SHROOM3: variants seen among roughly 807,000 people sequenced by gnomAD.
SHROOM3 encodes the protein protein Shroom3.
Under a neutral mutation model 138.6 loss-of-function variants are expected in SHROOM3, and 47 were observed. The ratio of observed to expected loss-of-function variants is 0.34; its 90% confidence interval spans 0.27 to 0.43. SHROOM3 has a LOEUF of 0.43. Ranked by LOEUF, SHROOM3 falls within the 20% of genes least tolerant of loss-of-function variation. SHROOM3 has a pLI of 1.00. For synonymous variants in SHROOM3, 1,062 were observed against 1,063.3 expected (o/e 1.00, Z 0.02); for missense variants, 2,491 against 2,596.5 (o/e 0.96, Z 0.88).
intron 9 of SHROOM3, among the ~76,000 whole-genome samples, chr4:76,765,442 G>A (rs1481796158): frequency 2.6e-5 from 4 of 152,050 alleles, no homozygotes; most frequent in Admixed American, 6.6e-5. Flanking sequence ...CACCTGAGCC[G>A]GGGGGTTGAG....
At chr4:76,653,697 C>G (rs1406389019) in intron 2 of SHROOM3, among the ~76,000 whole-genome samples, 1 of 152,060 alleles carries the variant, frequency 6.6e-6, no homozygotes, top group Non-Finnish European at 1.5e-5. Context: ...TTCTGAGTAG[C>G]TGGGACTACA....
intron 2 of SHROOM3, among the ~76,000 whole-genome samples, chr4:76,567,893 C>T (rs575518139): frequency 6.6e-6 from 1 of 151,174 alleles, no homozygotes; most frequent in Non-Finnish European, 1.5e-5. Flanking sequence ...TGGTACTGAA[C>T]GTTTTTTTTT....
At chr4:76,637,403 A>G (rs1014272839) in intron 2 of SHROOM3, 1 of 152,238 alleles carries the variant, frequency 6.6e-6, no homozygotes, top group Non-Finnish European at 1.5e-5. Flanking sequence ...TATGATCAAG[A>G]ACGGAACTGT....
intron 2 of SHROOM3, among the ~76,000 whole-genome samples, chr4:76,650,519 ATATTTATT>A (rs3045185): frequency 0.31 from 45,010 of 145,344 alleles, 7,177 homozygotes; most frequent in East Asian, 0.42. Context: ...TTTTTTAAGT[ATATTTATT>A]TATTTATTTA....
At chr4:76,735,832 T>C (rs997950177) in intron 4 of SHROOM3, among the ~76,000 whole-genome samples, 1 of 98,576 alleles carries the variant, frequency 1.0e-5, no homozygotes, top group African/African-American at 4.4e-5. Flanking sequence ...AGACCGAGAC[T>C]CTATCTTAAA....
At chr4:76,473,641 T>A (rs1731423992) in intron 1 of SHROOM3, among the ~76,000 whole-genome samples, 1 of 152,040 alleles carries the variant, frequency 6.6e-6, no homozygotes, top group Admixed American at 6.6e-5. Context: ...AACCCCATTT[T>A]AAAATGGGCA....
Position 76,754,647 on chromosome 4 carries a change from A to C in SHROOM3, c.4164A>C (p.Arg1388Ser). Reference protein sequence around the residue: ...LPPYTPAMMHRSNGHTLTQPP... With the variant: ...LPPYTPAMMHSSNGHTLTQPP... The stretch of plus-strand genomic sequence containing the variant: ...CCTACACCCCTGCCATGATGCACAG[A>C]AGCAATGGTCACACCCTGACCCAGC... The change falls in exon 7 of 11, where the codon AGA becomes AGC. Residue 1388 changes from arginine to serine, a missense_variant. By Grantham distance (110) the Arg-to-Ser change is moderately radical. Transcript: ENST00000296043. 6 of 1,614,138 alleles carry C rather than the reference A, an allele frequency of 3.7e-6. No homozygotes were observed. The highest frequency in any genetic ancestry group is 5.1e-6 in the Non-Finnish European group (6 of 1,180,004).
At chr4:76,489,377 A>T (rs1731803268) in intron 1 of SHROOM3, among the ~76,000 whole-genome samples, 1 of 152,240 alleles carries the variant, frequency 6.6e-6, no homozygotes, top group African/African-American at 2.4e-5. Context: ...AGACCCAAGT[A>T]GAGTGAGAAG....
rs746867468 is a variant in SHROOM3 at position 76,778,881 on chromosome 4, G to C, written c.5695G>C (p.Asp1899His). Reference protein sequence around the residue: ...EDARELKENLDRRERVVLGIL... With the variant: ...EDARELKENLHRRERVVLGIL... ...TGCCCGGGAGCTGAAGGAGAACCTG[G>C]ATCGCAGGGAGCGAGTAGTGCTGGG... is the stretch of plus-strand genomic sequence containing the variant. Residue 1899 changes from aspartate to histidine, a missense_variant, in exon 11 of 11, where the codon GAT (aspartate) becomes CAT (histidine). Physicochemically the swap from Asp to His is moderately conservative, Grantham distance 81. This residue lies in a region of SHROOM3 where 470 missense variants were observed against 595.0 expected (regional missense o/e 0.79). Coordinates refer to ENST00000296043, the MANE Select transcript of SHROOM3 (RefSeq NM_020859.4). 1.1e-5 allele frequency: 17 copies of C among 1,613,224 alleles called. No homozygotes were observed. Among genetic ancestry groups the C allele is most frequent in the Non-Finnish European group, 1.4e-5 (17 of 1,180,030 alleles).
intron 10 of SHROOM3, among the ~76,000 whole-genome samples, chr4:76,773,950 T>A (rs1004173217): frequency 6.6e-6 from 1 of 152,120 alleles, no homozygotes; most frequent in Non-Finnish European, 1.5e-5. Context: ...TGAACTAACT[T>A]TGTGACTTAC....
At chr4:76,441,230 G>A (rs1028527232) in intron 1 of SHROOM3, among the ~76,000 whole-genome samples, 6 of 151,532 alleles carry the variant, frequency 4.0e-5, no homozygotes, top group African/African-American at 1.5e-4. Flanking sequence ...AAGTAGCTGG[G>A]ACTACAGGCG....
Position 76,759,672 on chromosome 4 carries a change from C to A in SHROOM3, c.5326C>A (p.Gln1776Lys), listed in dbSNP as rs1721932276. 2 of 1,613,974 alleles carry A rather than the reference C, an allele frequency of 1.2e-6. No individual in the cohort carries two copies. Among genetic ancestry groups the A allele is most frequent in the Non-Finnish European group, 1.7e-6 (2 of 1,180,010 alleles). ...AGCAGAAGTGAATGAGGAAGAGGAA[C>A]AGGCAGATGTCAATGAAAAGAAGGT... is the stretch of plus-strand genomic sequence containing the variant. Reference protein sequence around the residue: ...MPAEVNEEEEQADVNEKKAEL... With the variant: ...MPAEVNEEEEKADVNEKKAEL... The change falls in exon 9 of 11, where the codon CAG (glutamine) becomes AAG (lysine). Residue 1776 changes from glutamine (Q) to lysine (K), a missense_variant. By Grantham distance (53) the Gln-to-Lys change is moderately conservative. Around this residue, in one of 4 missense-constraint regions of SHROOM3, gnomAD observed 470 missense variants for 595.0 expected, o/e 0.79. Coordinates refer to ENST00000296043, the MANE Select transcript of SHROOM3 (RefSeq NM_020859.4).
At chr4:76,576,946 A>G (rs1290792021) in intron 2 of SHROOM3, among the ~76,000 whole-genome samples, 3 of 152,210 alleles carry the variant, frequency 2.0e-5, no homozygotes, top group Admixed American at 2.0e-4. Context: ...AGTTTAAGCA[A>G]TAGGTATTGA....
At chr4:76,436,969 A>G (rs1367616628) in intron 1 of SHROOM3, among the ~76,000 whole-genome samples, 1 of 152,224 alleles carries the variant, frequency 6.6e-6, no homozygotes, top group Non-Finnish European at 1.5e-5. Context: ...ATAGATTATA[A>G]TGGCTTTTCA....
chr4:76,720,940 A>G (rs1244392491), intron 3 of SHROOM3, among the ~76,000 whole-genome samples: 1 of 151,840 alleles, frequency 6.6e-6, no homozygotes, highest in African/African-American at 2.4e-5. Context: ...AGTGACATTT[A>G]ATTGTTCATA....
chr4:76,501,017 T>G (rs1732081095), intron 1 of SHROOM3, among the ~76,000 whole-genome samples: 1 of 152,096 alleles, frequency 6.6e-6, no homozygotes, highest in African/African-American at 2.4e-5. Flanking sequence ...TGAATCTTGC[T>G]ATTTGCTCAG....
At chr4:76,672,736 C>T (rs1253456883) in intron 2 of SHROOM3, among the ~76,000 whole-genome samples, 2 of 152,176 alleles carry the variant, frequency 1.3e-5, no homozygotes, top group African/African-American at 4.8e-5. Flanking sequence ...CCACGCCTGG[C>T]TAATTTTTTG....
chr4:76,557,581 T>C (rs1733512730), intron 2 of SHROOM3, among the ~76,000 whole-genome samples: 1 of 152,134 alleles, frequency 6.6e-6, no homozygotes. Context: ...TATTGTTTAC[T>C]TAAAATTTGC....
intron 2 of SHROOM3, among the ~76,000 whole-genome samples, chr4:76,701,050 G>A (rs1027698799): frequency 1.3e-5 from 2 of 152,202 alleles, no homozygotes; most frequent in Non-Finnish European, 2.9e-5. Context: ...CTCCCAAAGT[G>A]CTGGGATTAG....
Sources: gnomAD v4.1 joint callset for allele counts (sites outside exome capture counted in the v4.1 genomes callset) on GRCh38, gnomAD v4.1.1 for gene constraint, gnomAD v4.1.1 regional missense constraint, MANE v1.5 for transcripts, NCBI Gene and HGNC (gene_info 2026-07-23, HGNC 2026-07-21) for gene names.